C2orf42: variants seen among roughly 807,000 people sequenced by gnomAD.
C2orf42 encodes uncharacterized protein C2orf42.
C2orf42 carries 44 observed loss-of-function variants against 58.9 expected under a neutral mutation model. The observed-to-expected ratio is 0.75, with a 90% confidence interval of 0.59 to 0.96. C2orf42 has a LOEUF of 0.96. C2orf42 is among the 40% of genes least tolerant of loss of function. C2orf42 has a pLI of 0.00. For missense variants in C2orf42, 630 were observed against 699.2 expected, an observed-to-expected ratio of 0.90 and a Z score of 1.12; for synonymous variants, 239 against 265.4, an observed-to-expected ratio of 0.90 and a Z score of 0.97.
rs1182514916 is a variant in C2orf42 at position 70,189,406 on chromosome 2, C to CAAAAA, written c.-282+1562_-282+1566dup. Among the ~76,000 whole-genome samples, 39 of 27,138 alleles carry CAAAAA rather than the reference C, an allele frequency of 1.4e-3. 1 individual carries two copies. The highest frequency in any genetic ancestry group is 3.0e-3 in the African/African-American group (32 of 10,518). The allele number at this position is 27,138 out of a possible 152,430, so 17.8% of individuals were successfully genotyped here. A position where few individuals can be genotyped will look rare whatever the true frequency, so the allele number is the denominator to read the frequency against. ...GGGGAACAAGAGAGAAACTCCATCT[C>CAAAAA]AAAAAAAAAAAAAAAAAAAAAAAAA... is the stretch of plus-strand genomic sequence containing the variant. On this transcript the variant is annotated intron_variant, in intron 1 of 9. Coordinates refer to ENST00000264434, the MANE Select transcript of C2orf42 (RefSeq NM_017880.3).
At chr2:70,174,373 C>T (rs894379834) in intron 5 of C2orf42, among the ~76,000 whole-genome samples, 3 of 152,034 alleles carry the variant, frequency 2.0e-5, no homozygotes, top group East Asian at 1.9e-4. Context: ...TACATTCACA[C>T]GCAGTTGTAA....
intron 3 of C2orf42, among the ~76,000 whole-genome samples, chr2:70,180,014 G>A (rs150414142): frequency 0.025 from 3,823 of 152,232 alleles, 163 homozygotes; most frequent in African/African-American, 0.087. Flanking sequence ...TCCTTGGGCC[G>A]GGTGCGGTGG....
chr2:70,185,774 CATATATATATAT>C (rs1018679967), intron 1 of C2orf42, among the ~76,000 whole-genome samples: 13 of 148,642 alleles, frequency 8.7e-5, no homozygotes, highest in Non-Finnish European at 1.8e-4. Flanking sequence ...TATATACACA[CATATATATATAT>C]ACACACACAC....
At chr2:70,153,391 G>A (rs1362227613) in intron 9 of C2orf42, among the ~76,000 whole-genome samples, 1 of 145,656 alleles carries the variant, frequency 6.9e-6, no homozygotes, top group Non-Finnish European at 1.5e-5. Context: ...TTGAGACAGA[G>A]TTTTGCTCTG....
chr2:70,181,086 T>A (rs1168321248), intron 3 of C2orf42, 77 bp downstream of exon 3: 5 of 651,962 alleles, frequency 7.7e-6, no homozygotes, highest in Non-Finnish European at 1.3e-5. Context: ...GCTAAGACAA[T>A]CTCCAAATGC....
At chr2:70,167,923 T>G (rs1673513086) in intron 6 of C2orf42, among the ~76,000 whole-genome samples, 1 of 151,582 alleles carries the variant, frequency 6.6e-6, no homozygotes, top group South Asian at 2.1e-4. Context: ...GTGTTTAGCT[T>G]ATAGTATTAT....
At chr2:70,186,485 T>C (rs1406428141) in intron 1 of C2orf42, among the ~76,000 whole-genome samples, 4 of 152,082 alleles carry the variant, frequency 2.6e-5, no homozygotes, top group African/African-American at 4.8e-5. Context: ...TGTGGAGAAA[T>C]AGGAAGACTT....
intron 6 of C2orf42, 80 bp downstream of exon 6, chr2:70,169,477 C>T: frequency 3.0e-6 from 2 of 673,636 alleles, no homozygotes; most frequent in East Asian, 2.7e-5. Context: ...ATTACTTTTC[C>T]TATCAGAGGA....
chr2:70,169,202 G>A, intron 6 of C2orf42, among the ~76,000 whole-genome samples: 1 of 151,318 alleles, frequency 6.6e-6, no homozygotes, highest in Admixed American at 6.6e-5. Context: ...CTTGCTTTAA[G>A]TTTGAGAGTT....
chr2:70,185,363 A>G (rs1674860189), intron 1 of C2orf42, among the ~76,000 whole-genome samples: 1 of 151,568 alleles, frequency 6.6e-6, no homozygotes, highest in Admixed American at 6.6e-5. Flanking sequence ...AGCTGAGATC[A>G]CGCCATTGCA....
rs534018128 is a variant in C2orf42 at position 70,185,565 on chromosome 2, G to T, written c.-281-2630C>A. Reference sequence around the variant, plus strand: ...GTGTCTACTAAAAATACAAAAATTAGGCAGGCATGATGGCACATGTCTATA... The same window carrying T: ...GTGTCTACTAAAAATACAAAAATTATGCAGGCATGATGGCACATGTCTATA... On this transcript the variant is annotated intron_variant, in intron 1 of 9. Transcript: ENST00000264434. Among the ~76,000 whole-genome samples, 10 of 151,514 alleles carry T rather than the reference G, an allele frequency of 6.6e-5. No individual in the cohort carries two copies. In the East Asian group the frequency reaches 1.9e-3, roughly 29 times the overall value.
Position 70,175,505 on chromosome 2 carries a change from T to A in C2orf42, c.1039+168A>T, listed in dbSNP as rs113523715. 1.7e-3 allele frequency among the ~76,000 whole-genome samples: 254 copies of A among 152,312 alleles called. 2 individuals carry two copies. Among genetic ancestry groups the A allele is most frequent in the African/African-American group, 5.9e-3 (245 of 41,570 alleles). On this transcript the variant is annotated intron_variant, in intron 5 of 9. Coordinates refer to ENST00000264434, the MANE Select transcript of C2orf42 (RefSeq NM_017880.3). ...ATAATGGCCTCCAGCATAATTTAGC[T>A]TTGAGCATGATTTGAAACTGGTGGG...
intron 9 of C2orf42, among the ~76,000 whole-genome samples, chr2:70,159,035 C>T (rs1189943742): frequency 6.7e-6 from 1 of 148,158 alleles, no homozygotes; most frequent in African/African-American, 2.5e-5. Flanking sequence ...CCTCAGCCTC[C>T]CGCCACCGCG....
At chr2:70,180,607 CAAAAAAAAAAAA>C (rs59381817) in intron 3 of C2orf42, among the ~76,000 whole-genome samples, 1 of 57,064 alleles carries the variant, frequency 1.8e-5, no homozygotes, top group Admixed American at 2.3e-4. Flanking sequence ...GATTCTGTCT[CAAAAAAAAAAAA>C]AAAAAAAAAA....
chr2:70,183,603 G>C (rs893545184), intron 1 of C2orf42, among the ~76,000 whole-genome samples: 1 of 151,028 alleles, frequency 6.6e-6, no homozygotes, highest in East Asian at 2.0e-4. Flanking sequence ...CTAATTTTTT[G>C]TATTTTTAGT....
intron 9 of C2orf42, among the ~76,000 whole-genome samples, chr2:70,151,964 A>G (rs1487834873): frequency 6.6e-6 from 1 of 152,008 alleles, no homozygotes; most frequent in Non-Finnish European, 1.5e-5. Context: ...TTTAGTAGAG[A>G]CAGGGTTTCA....
intron 4 of C2orf42, among the ~76,000 whole-genome samples, chr2:70,178,156 G>T (rs1573020403): frequency 6.6e-6 from 1 of 152,210 alleles, no homozygotes; most frequent in Admixed American, 6.6e-5. Context: ...CTGTCTACTA[G>T]TAAGTTTGGA....
In C2orf42 at chr2:70,150,185, TACA is replaced by T; in HGVS notation, c.*168_*170del. The T allele has an allele frequency of 1.6e-6, 1 of 622,000 alleles. No homozygotes were observed. The highest frequency in any genetic ancestry group is 2.7e-5 in the East Asian group (1 of 36,580). 38.5% of individuals were successfully genotyped at this position (622,000 alleles called of 1,614,324 possible). ...ACACAGCAGCATCAAAAAGGCTATTTACAAGAGATTTTCTTCAACAGAATCCAC... is the reference window on the plus strand; with the variant it reads ...ACACAGCAGCATCAAAAAGGCTATTTAGAGATTTTCTTCAACAGAATCCAC... On this transcript the variant is annotated 3_prime_UTR_variant, in exon 10 of 10. Coordinates refer to ENST00000264434, the MANE Select transcript of C2orf42 (RefSeq NM_017880.3).
chr2:70,164,241 A>G (rs1050478597), intron 8 of C2orf42, among the ~76,000 whole-genome samples: 38 of 152,012 alleles, frequency 2.5e-4, no homozygotes, highest in Non-Finnish European at 5.4e-4. Flanking sequence ...AGGTGGAGGT[A>G]GAGTGAGCCG....
Sources: allele counts gnomAD v4.1 joint callset (sites outside exome capture counted in the v4.1 genomes callset), GRCh38; gene constraint gnomAD v4.1.1; transcripts MANE v1.5; gene names NCBI Gene and HGNC (gene_info 2026-07-23, HGNC 2026-07-21).